Variants in DDHD1 observed in about 807,000 individuals in gnomAD.
DDHD1 encodes the protein DDHD domain containing 1, also known as phospholipase DDHD1.
Under a neutral mutation model 96.4 loss-of-function variants are expected in DDHD1, and 49 were observed. The observed-to-expected ratio is 0.51, with a 90% confidence interval of 0.40 to 0.64. The LOEUF is 0.64. Among genes scored for constraint, DDHD1 ranks in the 30% least tolerant of loss-of-function variants. The pLI is 0.00. For missense variants in DDHD1, 1,106 were observed against 1,161.2 expected (o/e 0.95, Z 0.69); for synonymous variants, 442 against 446.5 (o/e 0.99, Z 0.13).
intron 11 of DDHD1, chr14:53,052,523 T>C (rs566817337): frequency 3.9e-5 from 6 of 152,188 alleles, no homozygotes; most frequent in Admixed American, 3.9e-4. Flanking sequence ...AAAGAAGATT[T>C]AATGAAGAAA....
At position 53,103,833 on chromosome 14, in the gene DDHD1, G is replaced by C. The variant is rs866916431; in HGVS notation, c.862C>G (p.Arg288Gly). 3 of 1,602,170 alleles carry C rather than the reference G, an allele frequency of 1.9e-6. No individual in the cohort carries two copies. The highest frequency in any genetic ancestry group is 2.5e-6 in the Non-Finnish European group (3 of 1,176,598). The change falls in exon 2 of 13, where the codon CGT (arginine) becomes GGT (glycine). Residue 288 changes from arginine to glycine, a missense_variant. Arg to Gly is a moderately radical substitution (Grantham distance 125, BLOSUM62 -2). This residue lies in a region of DDHD1 where 650 missense variants were observed against 758.8 expected (regional missense o/e 0.86). Coordinates refer to ENST00000673822, the MANE Select transcript of DDHD1 (RefSeq NM_001160148.2). Reference sequence around the variant, plus strand: ...GTGCCGTCAATAAACCACTGTCCACGCATTACTGGTATTTTATCAGCCTCT... The same window carrying C: ...GTGCCGTCAATAAACCACTGTCCACCCATTACTGGTATTTTATCAGCCTCT... ...WNQADKIPVM[R>G]GQWFIDGTWQ...
chr14:53,058,126 C>T (rs1883225141), intron 9 of DDHD1, among the ~76,000 whole-genome samples: 1 of 151,856 alleles, frequency 6.6e-6, no homozygotes, highest in Non-Finnish European at 1.5e-5. Context: ...GCATGAGCAC[C>T]ACGCCCGGCT....
chr14:53,073,748 A>G lies in DDHD1; in HGVS notation c.1389T>C (p.Leu463=). The change falls in exon 5 of 13, where the codon CTT becomes CTC. Residue 463 remains leucine, a synonymous_variant. Coordinates refer to ENST00000673822, the MANE Select transcript of DDHD1 (RefSeq NM_001160148.2). The part of the protein sequence containing the change: ...LPVEWRSKLT[L]DGDTVDSITP... ...ATTTTTAAATAAATATACCTCCATC[A>G]AGAGTAAGTTTTGACCGCCACTCAA... 1 of 1,607,304 alleles carries G rather than the reference A, an allele frequency of 6.2e-7. No individual in the cohort carries two copies. Among genetic ancestry groups the G allele is most frequent in the African/African-American group, 1.3e-5 (1 of 74,700 alleles).
chr14:53,142,532 G>A (rs1429599547), intron 1 of DDHD1, among the ~76,000 whole-genome samples: 2 of 151,778 alleles, frequency 1.3e-5, no homozygotes, highest in Non-Finnish European at 2.9e-5. Context: ...TTAGAAAACT[G>A]TAAAGTTCTC....
At chr14:53,075,796 A>T (rs1884908005) in intron 4 of DDHD1, among the ~76,000 whole-genome samples, 1 of 152,180 alleles carries the variant, frequency 6.6e-6, no homozygotes, top group Non-Finnish European at 1.5e-5. Flanking sequence ...CATCCCAAAT[A>T]GCCTAGGGCC....
intron 1 of DDHD1, among the ~76,000 whole-genome samples, chr14:53,137,847 A>C (rs1173569773): frequency 6.6e-6 from 1 of 152,182 alleles, no homozygotes; most frequent in Non-Finnish European, 1.5e-5. Context: ...ACAGGAAGAC[A>C]CATCATAATC....
chr14:53,061,539 G>T (rs2139863961), intron 7 of DDHD1, among the ~76,000 whole-genome samples: 1 of 152,004 alleles, frequency 6.6e-6, no homozygotes, highest in Middle Eastern at 3.4e-3. Flanking sequence ...CTATACTTAA[G>T]AGTTTAGAGA....
At chr14:53,115,930 G>T (rs1225846264) in intron 1 of DDHD1, among the ~76,000 whole-genome samples, 1 of 152,116 alleles carries the variant, frequency 6.6e-6, no homozygotes, top group Non-Finnish European at 1.5e-5. Flanking sequence ...GATACAGACT[G>T]GAAAACTGGA....
chr14:53,070,472 T>C (rs757627891), intron 6 of DDHD1, among the ~76,000 whole-genome samples: 1 of 152,210 alleles, frequency 6.6e-6, no homozygotes, highest in African/African-American at 2.4e-5. Context: ...TTTATTCCTA[T>C]TGATACTATT....
chr14:53,061,441 A>C, intron 7 of DDHD1: 1 of 371,888 alleles, frequency 2.7e-6, no homozygotes, highest in Non-Finnish European at 4.8e-6. Flanking sequence ...GCTTTTTTGT[A>C]GTAAAATGTG....
chr14:53,043,810 GAACT>G lies in DDHD1; in HGVS notation c.*2954_*2957del, dbSNP rs66751024. 3.9e-5 allele frequency: 6 copies of G among 152,098 alleles called. No individual in the cohort carries two copies. Among genetic ancestry groups the G allele is most frequent in the Non-Finnish European group, 7.4e-5 (5 of 67,992 alleles). The allele number at this position is 152,098 out of a possible 1,614,324, so 9.4% of individuals were successfully genotyped here. On this transcript the variant is annotated 3_prime_UTR_variant, in exon 13 of 13. Coordinates refer to ENST00000673822, the MANE Select transcript of DDHD1 (RefSeq NM_001160148.2). ...AAGATTACTGTTGAAAAGAAAGTAT[GAACT>G]AACATAAGGCCTTAGCAAGACTAAT...
chr14:53,093,594 A>G, intron 2 of DDHD1, 150 bp from the exon 3 acceptor site: 2 of 1,036,836 alleles, frequency 1.9e-6, no homozygotes, highest in South Asian at 3.4e-5. Context: ...TCACATAAAA[A>G]AAGTTATGTG....
In DDHD1 at chr14:53,045,180, GA is replaced by G. The variant is rs1346177857; in HGVS notation, c.*1587del. On this transcript the variant is annotated 3_prime_UTR_variant, in exon 13 of 13. Coordinates refer to ENST00000673822, the MANE Select transcript of DDHD1 (RefSeq NM_001160148.2). ...AAGGTCACATGTGAATCAAGTCATT[GA>G]ACAGCATATAAAAGAATATGGCCTG... The G allele has an allele frequency of 3.3e-5, 5 of 152,178 alleles. No homozygotes were observed. Among genetic ancestry groups the G allele is most frequent in the Non-Finnish European group, 5.9e-5 (4 of 68,040 alleles). The allele number at this position is 152,178 out of a possible 1,614,324, so 9.4% of individuals were successfully genotyped here.
chr14:53,074,460 G>A (rs1429056974), intron 4 of DDHD1, among the ~76,000 whole-genome samples: 2 of 151,680 alleles, frequency 1.3e-5, no homozygotes, highest in African/African-American at 4.8e-5. Flanking sequence ...TATTTTGTCT[G>A]TAGTTTAGTA....
intron 1 of DDHD1, among the ~76,000 whole-genome samples, chr14:53,124,414 G>C (rs1444968907): frequency 1.3e-5 from 2 of 152,056 alleles, no homozygotes; most frequent in Non-Finnish European, 2.9e-5. Flanking sequence ...CAGGACAAAA[G>C]TAATTAATCA....
chr14:53,152,800 A>C lies in DDHD1; in HGVS notation c.299T>G (p.Leu100Arg). 1 of 1,608,164 alleles carries C rather than the reference A, an allele frequency of 6.2e-7. No individual in the cohort carries two copies. Among genetic ancestry groups the C allele is most frequent in the African/African-American group, 1.4e-5 (1 of 73,956 alleles). The change falls in exon 1 of 13, where the codon CTG becomes CGG. Residue 100 changes from leucine (L) to arginine (R), a missense_variant. By Grantham distance (102) the Leu-to-Arg change is moderately radical. This residue lies in a region of DDHD1 where 456 missense variants were observed against 402.4 expected (regional missense o/e 1.13). Transcript: ENST00000673822. Reference sequence around the variant, plus strand: ...GCTCTCACCCTCGCTGTAGTAGCGCAGCGAGGAGCCCGACTCGGCGGAGCT... The same window carrying C: ...GCTCTCACCCTCGCTGTAGTAGCGCCGCGAGGAGCCCGACTCGGCGGAGCT... ...DFSSAESGSS[L>R]RYYSEGESGG...
At chr14:53,114,118 G>T (rs190536545) in intron 1 of DDHD1, among the ~76,000 whole-genome samples, 224 of 152,264 alleles carry the variant, frequency 1.5e-3, no homozygotes, top group Non-Finnish European at 2.3e-3. Flanking sequence ...TGGACTGGGC[G>T]GAATTCACCA....
At chr14:53,099,368 C>T (rs1321080802) in intron 2 of DDHD1, among the ~76,000 whole-genome samples, 1 of 152,104 alleles carries the variant, frequency 6.6e-6, no homozygotes, top group Non-Finnish European at 1.5e-5. Flanking sequence ...TTCTACGATC[C>T]AATCTAGGGT....
chr14:53,107,950 G>C (rs1887820289), intron 1 of DDHD1, among the ~76,000 whole-genome samples: 1 of 152,198 alleles, frequency 6.6e-6, no homozygotes, highest in Non-Finnish European at 1.5e-5. Context: ...TTGCCTGAGA[G>C]CACAGCGGGA....
Sources: allele counts gnomAD v4.1 joint callset (sites outside exome capture counted in the v4.1 genomes callset), GRCh38; gene constraint gnomAD v4.1.1; regional missense constraint gnomAD v4.1.1; transcripts MANE v1.5; gene names NCBI Gene and HGNC (gene_info 2026-07-23, HGNC 2026-07-21).